Variants in ALKBH3 observed in about 807,000 individuals in gnomAD.
ALKBH3 encodes alkB homolog 3, alpha-ketoglutarate dependent dioxygenase.
A neutral mutation model predicts 43.9 loss-of-function variants in ALKBH3; 51 were observed. The observed-to-expected ratio is 1.16, with a 90% CI of 0.93 to 1.47. The LOEUF (loss-of-function observed/expected upper bound fraction) is 1.47. Among genes scored for constraint, ALKBH3 ranks in the 40% most tolerant of loss-of-function variants. The probability of loss-of-function intolerance (pLI) is 0.00; values close to 1 mark genes in which losing one functional copy is unlikely to be tolerated. For synonymous variants in ALKBH3, 102 were observed against 115.2 expected, an observed-to-expected ratio of 0.89 and a Z score of 0.73; for missense variants, 361 against 351.9, an observed-to-expected ratio of 1.03 and a Z score of -0.21.
intron 8 of ALKBH3, among the ~76,000 whole-genome samples, chr11:43,903,634 C>A (rs373241544): frequency 1.3e-5 from 2 of 152,220 alleles, no homozygotes; most frequent in African/African-American, 4.8e-5. Flanking sequence ...GTATATATAG[C>A]CTTTGGTATA....
chr11:43,916,917 T>G (rs1951987961), intron 8 of ALKBH3: 1 of 152,230 alleles, frequency 6.6e-6, no homozygotes, highest in Non-Finnish European at 1.5e-5. Context: ...CCTGTCTGTC[T>G]CCTTCTGCAA....
At chr11:43,882,042 ACTTTACCGTC>A (rs775683183) in intron 1 of ALKBH3, among the ~76,000 whole-genome samples, 15 of 152,166 alleles carry the variant, frequency 9.9e-5, no homozygotes, top group Non-Finnish European at 1.9e-4. Context: ...GCATCATTGA[ACTTTACCGTC>A]CACATACATA....
chr11:43,883,741 G>C (rs577058183), intron 3 of ALKBH3, among the ~76,000 whole-genome samples: 13 of 152,188 alleles, frequency 8.5e-5, no homozygotes, highest in African/African-American at 3.1e-4. Flanking sequence ...TTTTTCCAGA[G>C]CTGCTGGCTG....
At chr11:43,883,450 G>T (rs901198606) in intron 3 of ALKBH3, among the ~76,000 whole-genome samples, 1 of 152,120 alleles carries the variant, frequency 6.6e-6, no homozygotes, top group Non-Finnish European at 1.5e-5. Flanking sequence ...TGCTTGCATT[G>T]GTTATTTGAG....
intron 9 of ALKBH3, 107 bp from the exon 10 acceptor site, chr11:43,919,811 G>A: frequency 9.6e-7 from 1 of 1,040,412 alleles, no homozygotes; most frequent in Non-Finnish European, 1.5e-6. Context: ...ATTTAAGGGG[G>A]ATGAGATGGA....
intron 7 of ALKBH3, chr11:43,898,579 G>A: frequency 2.6e-6 from 2 of 760,806 alleles, no homozygotes; most frequent in Non-Finnish European, 2.4e-6. Flanking sequence ...GAATACAAAA[G>A]TCTTTGTTTG....
At chr11:43,912,861 A>C (rs992792818) in intron 8 of ALKBH3, among the ~76,000 whole-genome samples, 1 of 152,184 alleles carries the variant, frequency 6.6e-6, no homozygotes, top group Non-Finnish European at 1.5e-5. Flanking sequence ...TCAGGAAAGT[A>C]CATTGTCCAC....
At chr11:43,916,848 C>T (rs961574308) in intron 8 of ALKBH3, 1 of 152,156 alleles carries the variant, frequency 6.6e-6, no homozygotes, top group African/African-American at 2.4e-5. Flanking sequence ...ACTCTGGCCT[C>T]GAGGGAAGGA....
intron 7 of ALKBH3, chr11:43,897,494 A>G: frequency 1.3e-6 from 1 of 754,098 alleles, no homozygotes; most frequent in South Asian, 1.4e-5. Flanking sequence ...GGGTATACAA[A>G]TACCCCTTCA....
chr11:43,882,762 T>C lies in ALKBH3; in HGVS notation c.79+31T>C, dbSNP rs542937580. Reference sequence around the variant, plus strand: ...AATCTGTAGGGATTTTGTGTGTGTGTGGATATGGACAACTCTCATTCTCTT... The same window carrying C: ...AATCTGTAGGGATTTTGTGTGTGTGCGGATATGGACAACTCTCATTCTCTT... On this transcript the variant is annotated intron_variant, in intron 2 of 9. Transcript: ENST00000302708. 24 of 1,587,834 alleles carry C rather than the reference T, an allele frequency of 1.5e-5. No individual in the cohort carries two copies. The East Asian group carries it at 4.7e-4, about 31-fold the overall frequency.
chr11:43,898,119 C>A (rs1951832755), intron 7 of ALKBH3: 2 of 1,126,480 alleles, frequency 1.8e-6, no homozygotes, highest in Non-Finnish European at 1.3e-6. Context: ...CACCTGAGCC[C>A]GTGGTGGGCA....
rs1821866602 is a variant in ALKBH3, at chr11:43,920,146, G to A, written c.*136G>A. On this transcript the variant is annotated 3_prime_UTR_variant, in exon 10 of 10. Transcript: ENST00000302708. ...GGTGGGGTTTGTTTGCCAGCTTGGA[G>A]TCCTATTAAATGAAAGCCAGCAACT... 2 of 771,048 alleles carry A rather than the reference G, an allele frequency of 2.6e-6. No homozygotes were observed. Among genetic ancestry groups the A allele is most frequent in the African/African-American group, 3.5e-5 (2 of 57,318 alleles). The allele number at this position is 771,048 out of a possible 1,614,324, so 47.8% of individuals were successfully genotyped here. A position where few individuals can be genotyped will look rare whatever the true frequency, so the allele number is the denominator to read the frequency against.
Position 43,881,036 on chromosome 11 carries a change from T to C in ALKBH3, c.-214T>C, listed in dbSNP as rs1951707226. On this transcript the variant is annotated 5_prime_UTR_variant, in exon 1 of 10. Transcript: ENST00000302708. ...CTCCGGGGCCTCATTCTAGGCCTCC[T>C]TAAAGAGAAGGATCTAAATTAGGAA... is the stretch of plus-strand genomic sequence containing the variant. 2 of 152,312 alleles carry C rather than the reference T, an allele frequency of 1.3e-5. No homozygotes were observed. Among genetic ancestry groups the C allele is most frequent in the South Asian group, 4.1e-4 (2 of 4,832 alleles). The allele number at this position is 152,312 out of a possible 1,614,324, so 9.4% of individuals were successfully genotyped here. A position where few individuals can be genotyped will look rare whatever the true frequency, so the allele number is the denominator to read the frequency against.
At chr11:43,915,308 A>G (rs1951974929) in intron 8 of ALKBH3, among the ~76,000 whole-genome samples, 1 of 151,970 alleles carries the variant, frequency 6.6e-6, no homozygotes, top group African/African-American at 2.4e-5. Flanking sequence ...CGTTACTGTC[A>G]GTTGATAATG....
chr11:43,892,064 C>CT lies in ALKBH3; in HGVS notation c.396dup (p.Thr133TyrfsTer34). 1 of 1,613,392 alleles carries CT rather than the reference C, an allele frequency of 6.2e-7. No individual in the cohort carries two copies. Reference sequence around the variant, plus strand: ...AGATATAACTTATCAGCAACCAAGACTTACAGCATGGTATGGAGAACTTCC... The same window carrying CT: ...AGATATAACTTATCAGCAACCAAGACTTTACAGCATGGTATGGAGAACTTCC... On this transcript the variant is annotated frameshift_variant, in exon 7 of 10. Coordinates refer to ENST00000302708, the MANE Select transcript of ALKBH3 (RefSeq NM_139178.4). LOFTEE classifies it high-confidence loss of function.
chr11:43,917,540 A>G (rs1033392122), intron 8 of ALKBH3, among the ~76,000 whole-genome samples: 24 of 152,198 alleles, frequency 1.6e-4, no homozygotes, highest in African/African-American at 5.8e-4. Flanking sequence ...CTGATAGCTG[A>G]CTATACAGCC....
intron 6 of ALKBH3, among the ~76,000 whole-genome samples, chr11:43,890,754 C>T (rs1951778216): frequency 6.6e-6 from 1 of 152,060 alleles, no homozygotes; most frequent in Non-Finnish European, 1.5e-5. Flanking sequence ...GTCCCAGCTA[C>T]TCGGGAGGCT....
At chr11:43,895,547 C>T (rs1951812889) in intron 7 of ALKBH3, among the ~76,000 whole-genome samples, 1 of 152,170 alleles carries the variant, frequency 6.6e-6, no homozygotes, top group South Asian at 2.1e-4. Context: ...TTATTAGCAG[C>T]ATGAGAACAG....
chr11:43,893,817 T>C (rs1199453979), intron 7 of ALKBH3, among the ~76,000 whole-genome samples: 2 of 152,218 alleles, frequency 1.3e-5, no homozygotes, highest in Non-Finnish European at 2.9e-5. Context: ...TTATTGGTGA[T>C]ATATTTAGTT....
Sources: gnomAD v4.1 joint callset for allele counts (sites outside exome capture counted in the v4.1 genomes callset) on GRCh38, gnomAD v4.1.1 for gene constraint, MANE v1.5 for transcripts, NCBI Gene and HGNC (gene_info 2026-07-23, HGNC 2026-07-21) for gene names.